Variants in MTREX observed in about 807,000 individuals in gnomAD.
The protein encoded by MTREX is exosome RNA helicase MTR4.
Under a neutral mutation model 135.4 loss-of-function variants are expected in MTREX, and 76 were observed. That is an observed-to-expected ratio of 0.56 (90% CI 0.47 to 0.68). The LOEUF (loss-of-function observed/expected upper bound fraction) is 0.68. Ranked by LOEUF, MTREX falls within the 30% of genes least tolerant of loss-of-function variation. The pLI, the probability that MTREX is intolerant of heterozygous loss-of-function variation, is 0.00. For missense variants in MTREX, 920 were observed against 1,262.1 expected (o/e 0.73, Z 4.11); for synonymous variants, 404 against 401.6 (o/e 1.01, Z -0.07).
chr5:55,333,586 A>T (rs1162022820), intron 5 of MTREX, among the ~76,000 whole-genome samples: 1 of 152,088 alleles, frequency 6.6e-6, no homozygotes, highest in Non-Finnish European at 1.5e-5. Flanking sequence ...CCTGCTCTAA[A>T]ACTTGGGCTA....
intron 16 of MTREX, among the ~76,000 whole-genome samples, chr5:55,377,717 G>T (rs947706880): frequency 2.6e-5 from 4 of 152,092 alleles, no homozygotes; most frequent in Non-Finnish European, 5.9e-5. Context: ...TTTGTCCATG[G>T]TTCCTGGTTT....
chr5:55,366,304 T>C (rs1349719893), intron 15 of MTREX, among the ~76,000 whole-genome samples: 1 of 152,086 alleles, frequency 6.6e-6, no homozygotes, highest in Non-Finnish European at 1.5e-5. Context: ...GTCTGGGTAA[T>C]ACAATGAGAC....
intron 17 of MTREX, 43 bp from the exon 18 acceptor site, chr5:55,379,084 A>C: frequency 7.3e-7 from 1 of 1,366,188 alleles, no homozygotes. Context: ...TGCCTTGTAG[A>C]TATACATTTG....
intron 16 of MTREX, among the ~76,000 whole-genome samples, chr5:55,372,892 A>ATGTGTGTGTGTG (rs59026723): frequency 5.5e-4 from 67 of 120,978 alleles, no homozygotes; most frequent in Admixed American, 1.5e-3. Flanking sequence ...TAAAACTGTA[A>ATGTGTGTGTGTG]TGTGTGTGTG....
rs1193850820 is a variant in MTREX at position 55,424,923 on chromosome 5, A to G, written c.*151A>G. 1.6e-6 allele frequency: 1 copy of G among 628,532 alleles called. No individual in the cohort carries two copies. Among genetic ancestry groups the G allele is most frequent in the Non-Finnish European group, 2.7e-6 (1 of 363,674 alleles). 38.9% of individuals were successfully genotyped at this position (628,532 alleles called of 1,614,324 possible). ...ACATCATTCATAGAAAGCATATTAC[A>G]TACATGTTTATACATAAGCATTACA... On this transcript the variant is annotated 3_prime_UTR_variant, in exon 27 of 27. Transcript: ENST00000230640.
intron 25 of MTREX, among the ~76,000 whole-genome samples, chr5:55,419,053 T>C (rs1023846300): frequency 6.6e-6 from 1 of 152,126 alleles, no homozygotes; most frequent in African/African-American, 2.4e-5. Flanking sequence ...CCATGAAGCC[T>C]AGGCTGGTCT....
intron 1 of MTREX, among the ~76,000 whole-genome samples, chr5:55,312,844 G>T (rs968088939): frequency 6.6e-6 from 1 of 152,142 alleles, no homozygotes. Context: ...GTCTTTGATA[G>T]CTTATGTGTT....
At chr5:55,351,309 G>A (rs1166731864) in intron 13 of MTREX, among the ~76,000 whole-genome samples, 1 of 152,158 alleles carries the variant, frequency 6.6e-6, no homozygotes, top group Non-Finnish European at 1.5e-5. Flanking sequence ...GAGGTAGGTG[G>A]ATTACCTGAG....
Position 55,423,084 on chromosome 5 carries a change from C to T in MTREX, c.3076+102C>T. On this transcript the variant is annotated intron_variant, in intron 26 of 26. Transcript: ENST00000230640. ...TAGGAGGACGTTTTGAGATGTTCTT[C>T]ACTGCATTGTCATGGAGAGCTATCT... 3 of 807,676 alleles carry T rather than the reference C, an allele frequency of 3.7e-6. No homozygotes were observed. The South Asian group carries it at 4.7e-5, about 13-fold the overall frequency. 50.0% of individuals were successfully genotyped at this position (807,676 alleles called of 1,614,324 possible).
intron 16 of MTREX, among the ~76,000 whole-genome samples, chr5:55,377,145 T>C (rs1301330648): frequency 4.0e-5 from 6 of 151,760 alleles, no homozygotes; most frequent in Non-Finnish European, 8.8e-5. Flanking sequence ...CTGGCTAACA[T>C]GGTGAAACCC....
intron 19 of MTREX, 78 bp from the exon 20 acceptor site, chr5:55,397,337 AG>A: frequency 1.2e-6 from 1 of 825,400 alleles, no homozygotes. Context: ...CTTCCTCTTT[AG>A]GGATCCAAGT....
chr5:55,349,427 C>T (rs1749789351), intron 11 of MTREX, 146 bp from the exon 12 acceptor site: 2 of 572,528 alleles, frequency 3.5e-6, no homozygotes, highest in East Asian at 3.1e-5. Flanking sequence ...GGCCTCAAGC[C>T]AGCCACCTGC....
intron 19 of MTREX, among the ~76,000 whole-genome samples, chr5:55,389,631 T>G (rs1007948728): frequency 6.6e-6 from 1 of 152,094 alleles, no homozygotes. Flanking sequence ...AGTAGTGAGA[T>G]TTTAACAAAC....
intron 19 of MTREX, among the ~76,000 whole-genome samples, chr5:55,393,002 C>T (rs1354107214): frequency 6.6e-6 from 1 of 152,146 alleles, no homozygotes; most frequent in Non-Finnish European, 1.5e-5. Context: ...CGGGGAACCA[C>T]CAGACTGCAA....
chr5:55,328,223 T>C (rs1270990140), intron 4 of MTREX, among the ~76,000 whole-genome samples: 2 of 152,170 alleles, frequency 1.3e-5, no homozygotes, highest in African/African-American at 4.8e-5. Flanking sequence ...AAAGGCGGTA[T>C]GGTAGAGTAT....
intron 16 of MTREX, among the ~76,000 whole-genome samples, chr5:55,376,202 A>G (rs1264742922): frequency 1.3e-5 from 2 of 152,226 alleles, no homozygotes; most frequent in Non-Finnish European, 2.9e-5. Flanking sequence ...GTTATGTCCA[A>G]TGATAAATTA....
At chr5:55,380,235 C>T (rs957441076) in intron 18 of MTREX, among the ~76,000 whole-genome samples, 4 of 152,224 alleles carry the variant, frequency 2.6e-5, no homozygotes, top group South Asian at 2.1e-4. Context: ...CCACCACGCC[C>T]GGCCTGTTTC....
At position 55,388,103 on chromosome 5, in the gene MTREX, G is replaced by GT; in HGVS notation, c.2181+4dup. On this transcript the variant is annotated splice_donor_variant, in intron 19 of 26. Transcript: ENST00000230640. LOFTEE classifies it high-confidence loss of function. ...ACCTGATGAGAAAGGAGAGATGCAG[G>GT]TTTGTACATAACTTTCTGTCTTCTG... The GT allele has an allele frequency of 6.2e-7, 1 of 1,600,642 alleles. No individual in the cohort carries two copies. The highest frequency in any genetic ancestry group is 1.1e-5 in the South Asian group (1 of 89,304).
chr5:55,419,104 CA>C (rs1751016432), intron 25 of MTREX, among the ~76,000 whole-genome samples: 1 of 152,176 alleles, frequency 6.6e-6, no homozygotes, highest in African/African-American at 2.4e-5. Context: ...TTCAGCCTCC[CA>C]AGGTGTTGAG....
Sources: gnomAD v4.1 joint callset for allele counts (sites outside exome capture counted in the v4.1 genomes callset) on GRCh38, gnomAD v4.1.1 for gene constraint, MANE v1.5 for transcripts, NCBI Gene and HGNC (gene_info 2026-07-23, HGNC 2026-07-21) for gene names.